Variants in SLC31A1 observed in about 807,000 individuals in gnomAD.
SLC31A1 encodes the protein solute carrier family 31 member 1.
Under a neutral mutation model 17.2 loss-of-function variants are expected in SLC31A1, and 5 were observed. The ratio of observed to expected loss-of-function variants is 0.29; its 90% CI spans 0.15 to 0.61. The LOEUF (loss-of-function observed/expected upper bound fraction) is 0.61. Among genes scored for constraint, SLC31A1 ranks in the 20% least tolerant of loss-of-function variants. SLC31A1 has a pLI of 0.86. For synonymous variants in SLC31A1, 76 were observed against 78.8 expected (o/e 0.96, Z 0.19); for missense variants, 161 against 241.4 (o/e 0.67, Z 2.21).
chr9:113,228,876 C>T (rs111953144), intron 1 of SLC31A1, among the ~76,000 whole-genome samples: 1,695 of 151,908 alleles, frequency 0.011, 34 homozygotes, highest in African/African-American at 0.038. Context: ...GTTGGAGTTT[C>T]GCTCTTGTTG....
chr9:113,243,608 C>T (rs1831545261), intron 1 of SLC31A1, among the ~76,000 whole-genome samples: 1 of 151,996 alleles, frequency 6.6e-6, no homozygotes, highest in African/African-American at 2.4e-5. Flanking sequence ...GTGTGGGTCT[C>T]ACTATGTTGC....
rs1831783612 is a variant in SLC31A1, at chr9:113,260,712, G to A, written c.*239G>A. The A allele has an allele frequency of 3.7e-6, 2 of 545,640 alleles. No individual in the cohort carries two copies. Among genetic ancestry groups the A allele is most frequent in the Non-Finnish European group, 3.3e-6 (1 of 299,026 alleles). The allele number at this position is 545,640 out of a possible 1,614,324, so 33.8% of individuals were successfully genotyped here. ...CTGAGATTCCCATTTCTCTTAAGGA[G>A]AAGCCACCCATGAGATGTCTTTTCC... On this transcript the variant is annotated 3_prime_UTR_variant, in exon 5 of 5. Transcript: ENST00000374212.
chr9:113,222,072 A>G (rs1025340186), intron 1 of SLC31A1, among the ~76,000 whole-genome samples: 4 of 152,346 alleles, frequency 2.6e-5, no homozygotes, highest in Admixed American at 2.6e-4. Context: ...TAAAGGGCAG[A>G]CTGAGACTGG....
intron 1 of SLC31A1, 197 bp from the exon 2 acceptor site, chr9:113,255,917 G>C (rs10817471): frequency 0.071 from 22,439 of 313,840 alleles, 1,023 homozygotes; most frequent in South Asian, 0.14. Flanking sequence ...GGAACCACCA[G>C]GTTGCCTGGT....
intron 1 of SLC31A1, among the ~76,000 whole-genome samples, chr9:113,228,086 T>C (rs1831362012): frequency 6.6e-6 from 1 of 152,214 alleles, no homozygotes; most frequent in Non-Finnish European, 1.5e-5. Flanking sequence ...TATTTTAATA[T>C]CTGTTTTGCA....
intron 1 of SLC31A1, among the ~76,000 whole-genome samples, chr9:113,240,777 C>T (rs1053769226): frequency 3.3e-5 from 5 of 152,016 alleles, no homozygotes; most frequent in African/African-American, 9.7e-5. Flanking sequence ...GGGCCAGGCA[C>T]GGTGGCTCAC....
intron 1 of SLC31A1, among the ~76,000 whole-genome samples, chr9:113,252,814 C>T (rs1831670359): frequency 3.3e-5 from 5 of 152,010 alleles, no homozygotes; most frequent in African/African-American, 1.2e-4. Context: ...GAAGTAAATC[C>T]TTTGTGGTTT....
Position 113,260,940 on chromosome 9 carries a change from A to C in SLC31A1, c.*467A>C. ...CTGAGGGAAATTCTTGCCCAACTAAACCCAGAACTCAAACTTAACATTAGA... is the reference window on the plus strand; with the variant it reads ...CTGAGGGAAATTCTTGCCCAACTAACCCCAGAACTCAAACTTAACATTAGA... On this transcript the variant is annotated 3_prime_UTR_variant, in exon 5 of 5. Coordinates refer to ENST00000374212, the MANE Select transcript of SLC31A1 (RefSeq NM_001859.4). 3.6e-6 allele frequency: 1 copy of C among 274,236 alleles called. No homozygotes were observed. The highest frequency in any genetic ancestry group is 7.1e-6 in the Non-Finnish European group (1 of 140,466). 17.0% of individuals were successfully genotyped at this position (274,236 alleles called of 1,614,324 possible). A position where few individuals can be genotyped will look rare whatever the true frequency, so the allele number is the denominator to read the frequency against.
At chr9:113,244,076 A>ATCGCTTGAT (rs1831551586) in intron 1 of SLC31A1, among the ~76,000 whole-genome samples, 1 of 143,006 alleles carries the variant, frequency 7.0e-6, no homozygotes, top group Non-Finnish European at 1.5e-5. Flanking sequence ...AATCGCTTGA[A>ATCGCTTGAT]CCCAGGAGGC....
chr9:113,248,462 CTTTT>C (rs34154634), intron 1 of SLC31A1, among the ~76,000 whole-genome samples: 1 of 86,550 alleles, frequency 1.2e-5, no homozygotes, highest in Non-Finnish European at 2.1e-5. Flanking sequence ...GAAAGCAGTC[CTTTT>C]TTTTTTTTTT....
chr9:113,225,313 C>G (rs1831328555), intron 1 of SLC31A1, among the ~76,000 whole-genome samples: 1 of 152,114 alleles, frequency 6.6e-6, no homozygotes, highest in South Asian at 2.1e-4. Flanking sequence ...GAATCCAGGA[C>G]CATATTTGTC....
chr9:113,252,971 T>TTTA (rs1831675138), intron 1 of SLC31A1, among the ~76,000 whole-genome samples: 1 of 127,272 alleles, frequency 7.9e-6, no homozygotes. Context: ...TTTTTTTTTT[T>TTTA]GAGACGGAGT....
In SLC31A1 at chr9:113,257,161, G is replaced by A. The variant is rs373869578; in HGVS notation, c.178G>A (p.Gly60Ser). 6.2e-6 allele frequency: 10 copies of A among 1,613,828 alleles called. No homozygotes were observed. The highest frequency in any genetic ancestry group is 1.7e-5 in the Admixed American group (1 of 60,008). The stretch of plus-strand genomic sequence containing the variant: ...TAAGAATGTGGAACTACTGTTTTCC[G>A]GTTTGGTGATCAATACAGCTGGAGG... ...GFKNVELLFS[G>S]LVINTAGEMA... The change falls in exon 3 of 5, where the codon GGT becomes AGT. Residue 60 changes from glycine to serine, a missense_variant. Physicochemically the swap from Gly to Ser is moderately conservative, Grantham distance 56. Transcript: ENST00000374212.
rs1831793697 is a variant in SLC31A1, at chr9:113,261,515, A to G, written c.*1042A>G. 3.3e-5 allele frequency: 5 copies of G among 152,684 alleles called. No homozygotes were observed. The South Asian group carries it at 1.0e-3, about 32-fold the overall frequency. 9.5% of individuals were successfully genotyped at this position (152,684 alleles called of 1,614,324 possible). A position where few individuals can be genotyped will look rare whatever the true frequency, so the allele number is the denominator to read the frequency against. On this transcript the variant is annotated 3_prime_UTR_variant, in exon 5 of 5. Transcript: ENST00000374212. ...TGACAATCAATTTGAGAAAATAGAA[A>G]TAGATATTTTTAAATAAAACCATTC...
At position 113,262,029 on chromosome 9, in the gene SLC31A1, CTTAT is replaced by C. The variant is rs1315611600; in HGVS notation, c.*1559_*1562del. ...ACTAGCCTGTATGAAATCACTAGTC[CTTAT>C]TTTTAAAGGTCTATGGTTTCTTGGA... is the stretch of plus-strand genomic sequence containing the variant. On this transcript the variant is annotated 3_prime_UTR_variant, in exon 5 of 5. Coordinates refer to ENST00000374212, the MANE Select transcript of SLC31A1 (RefSeq NM_001859.4). 6.6e-6 allele frequency: 1 copy of C among 152,568 alleles called. No individual in the cohort carries two copies. Among genetic ancestry groups the C allele is most frequent in the African/African-American group, 2.4e-5 (1 of 41,438 alleles). The allele number at this position is 152,568 out of a possible 1,614,324, so 9.5% of individuals were successfully genotyped here. A position where few individuals can be genotyped will look rare whatever the true frequency, so the allele number is the denominator to read the frequency against.
intron 1 of SLC31A1, among the ~76,000 whole-genome samples, chr9:113,250,243 G>A (rs1446717189): frequency 1.7e-5 from 2 of 120,088 alleles, no homozygotes; most frequent in African/African-American, 6.5e-5. Flanking sequence ...GTTTATTGCG[G>A]CATTATTCAC....
chr9:113,230,765 T>C (rs1831393436), intron 1 of SLC31A1, among the ~76,000 whole-genome samples: 1 of 152,248 alleles, frequency 6.6e-6, no homozygotes, highest in Non-Finnish European at 1.5e-5. Flanking sequence ...TTGTTTACTA[T>C]AGTCACTAGT....
chr9:113,235,351 G>A (rs1193899427), intron 1 of SLC31A1, among the ~76,000 whole-genome samples: 1 of 152,164 alleles, frequency 6.6e-6, no homozygotes, highest in Non-Finnish European at 1.5e-5. Context: ...ACCAATCTTG[G>A]GGAGGGAAAG....
At chr9:113,259,592 T>G (rs1831768033) in intron 4 of SLC31A1, among the ~76,000 whole-genome samples, 1 of 149,172 alleles carries the variant, frequency 6.7e-6, no homozygotes, top group African/African-American at 2.5e-5. Flanking sequence ...TCTTTTTTTT[T>G]TTTTTTTCTG....
Sources: gnomAD v4.1 joint callset for allele counts (sites outside exome capture counted in the v4.1 genomes callset) on GRCh38, gnomAD v4.1.1 for gene constraint, MANE v1.5 for transcripts, NCBI Gene and HGNC (gene_info 2026-07-23, HGNC 2026-07-21) for gene names.